The following CDH9 variants were observed in gnomAD, a reference collection of about 807,000 sequenced individuals.
CDH9 encodes the protein cadherin-9.
CDH9 carries 28 observed loss-of-function variants against 70.9 expected under a neutral mutation model. That is an observed-to-expected ratio of 0.40 (90% CI 0.29 to 0.54). The LOEUF (loss-of-function observed/expected upper bound fraction) is 0.54. Among genes scored for constraint, CDH9 ranks in the 20% least tolerant of loss-of-function variants. The probability of loss-of-function intolerance (pLI) is 0.59; values close to 1 mark genes in which losing one functional copy is unlikely to be tolerated. For synonymous variants in CDH9, 409 were observed against 343.1 expected, an observed-to-expected ratio of 1.19 and a Z score of -2.12; for missense variants, 874 against 984.4, an observed-to-expected ratio of 0.89 and a Z score of 1.50.
chr5:26,889,931 G>A lies in CDH9; in HGVS notation c.1417C>T (p.Pro473Ser). 1 of 1,607,582 alleles carries A rather than the reference G, an allele frequency of 6.2e-7. No homozygotes were observed. Among genetic ancestry groups the A allele is most frequent in the Non-Finnish European group, 8.5e-7 (1 of 1,175,692 alleles). The stretch of plus-strand genomic sequence containing the variant: ...ATATCTAGAATTCTGATGAAGACAG[G>A]GATGTGGCTACTTTGTTTTGGGTTA... ...INNPKQSSHI[P>S]VFIRILDIND... The change falls in exon 9 of 12, where the codon CCT becomes TCT. Residue 473 changes from proline to serine, a missense_variant. By Grantham distance (74) the Pro-to-Ser change is moderately conservative. Transcript: ENST00000231021.
chr5:26,924,900 C>A (rs1262659152), intron 2 of CDH9, among the ~76,000 whole-genome samples: 1 of 152,082 alleles, frequency 6.6e-6, no homozygotes, highest in African/African-American at 2.4e-5. Context: ...TTTATGGCTG[C>A]ATAATATTCC....
At chr5:27,008,519 C>A (rs1000254417) in intron 1 of CDH9, among the ~76,000 whole-genome samples, 8 of 151,622 alleles carry the variant, frequency 5.3e-5, no homozygotes, top group Non-Finnish European at 8.8e-5. Flanking sequence ...ATAGCAAGAA[C>A]CTAAGAAATA....
chr5:27,001,799 T>C (rs1316012191), intron 1 of CDH9, among the ~76,000 whole-genome samples: 1 of 150,832 alleles, frequency 6.6e-6, no homozygotes, highest in African/African-American at 2.5e-5. Context: ...AAGCATCTCA[T>C]AGTGTCAGAA....
At chr5:26,998,594 G>T (rs941807619) in intron 1 of CDH9, among the ~76,000 whole-genome samples, 2 of 151,960 alleles carry the variant, frequency 1.3e-5, no homozygotes, top group African/African-American at 4.8e-5. Context: ...GTGGGGAGAC[G>T]GGGGAGGGAT....
At chr5:26,892,896 A>C (rs1401259196) in intron 7 of CDH9, among the ~76,000 whole-genome samples, 1 of 151,786 alleles carries the variant, frequency 6.6e-6, no homozygotes. Context: ...ATGTCCGGCT[A>C]ATTTTTTTTT....
chr5:26,912,798 T>A (rs1010226675), intron 3 of CDH9, among the ~76,000 whole-genome samples: 3 of 152,110 alleles, frequency 2.0e-5, no homozygotes, highest in African/African-American at 7.2e-5. Context: ...CACCCAAATC[T>A]TATCTTGAAT....
chr5:26,892,866 A>G (rs1336330081), intron 7 of CDH9, among the ~76,000 whole-genome samples: 2 of 151,832 alleles, frequency 1.3e-5, no homozygotes, highest in Non-Finnish European at 2.9e-5. Flanking sequence ...GAGTAGCTGG[A>G]ACTACAGGCG....
In CDH9 at chr5:27,026,212, G is replaced by T. The variant is rs553396565; in HGVS notation, c.-50+12251C>A. 3.9e-5 allele frequency among the ~76,000 whole-genome samples: 6 copies of T among 151,980 alleles called. No homozygotes were observed. In the East Asian group the frequency reaches 1.2e-3, roughly 30 times the overall value. On this transcript the variant is annotated intron_variant, in intron 1 of 11. Transcript: ENST00000231021. ...TTAATAAAACACTGAAACAAGAAAT[G>T]GAAAGTGTCCAGTTCACATTCTTAT...
chr5:26,881,400 C>T lies in CDH9; in HGVS notation c.2106G>A (p.Arg702=), dbSNP rs776933344. ...CAATATTTTCCCACAGAGGCACAGT[C>T]CTCCTTATCTGAAAAATAGTTTCAG... is the stretch of plus-strand genomic sequence containing the variant. ...VMPETIFQIR[R]TVPLWENIDV... Residue 702 remains arginine (R), a synonymous_variant, in exon 12 of 12, where the codon AGG becomes AGA. Transcript: ENST00000231021. 9 of 1,613,568 alleles carry T rather than the reference C, an allele frequency of 5.6e-6. No individual in the cohort carries two copies. The highest frequency in any genetic ancestry group is 2.2e-5 in the South Asian group (2 of 91,066).
At chr5:26,904,525 T>G (rs1473246449) in intron 5 of CDH9, among the ~76,000 whole-genome samples, 1 of 152,092 alleles carries the variant, frequency 6.6e-6, no homozygotes, top group East Asian at 1.9e-4. Flanking sequence ...GCTAATTTAT[T>G]TAATCCTCAC....
chr5:26,917,451 C>T (rs62346386), intron 2 of CDH9, among the ~76,000 whole-genome samples: 4,916 of 151,986 alleles, frequency 0.032, 107 homozygotes, highest in Non-Finnish European at 0.047. Context: ...AACTAGCTTA[C>T]CCCTGTTATG....
intron 1 of CDH9, among the ~76,000 whole-genome samples, chr5:26,990,539 A>C (rs1742563470): frequency 6.6e-6 from 1 of 152,186 alleles, no homozygotes; most frequent in African/African-American, 2.4e-5. Context: ...ATAATTGGTA[A>C]ATTTGACCAC....
rs570796153 is a variant in CDH9, at chr5:27,034,858, G to A, written c.-50+3605C>T. Among the ~76,000 whole-genome samples the A allele has an allele frequency of 2.2e-4, 33 of 151,676 alleles. No homozygotes were observed. The South Asian group carries it at 4.2e-3, about 19-fold the overall frequency. On this transcript the variant is annotated intron_variant, in intron 1 of 11. Transcript: ENST00000231021. ...AGGGCTGTTATGGAAATGTAGAAGA[G>A]TGCTATAAAGACATTTTCCTCACTG...
chr5:26,987,218 A>T (rs964452633), intron 2 of CDH9, among the ~76,000 whole-genome samples: 4 of 151,970 alleles, frequency 2.6e-5, no homozygotes, highest in African/African-American at 7.2e-5. Context: ...GACTCAAAAA[A>T]TAAATAAATT....
intron 2 of CDH9, among the ~76,000 whole-genome samples, chr5:26,934,728 T>C (rs1395718028): frequency 6.6e-6 from 1 of 152,138 alleles, no homozygotes; most frequent in East Asian, 1.9e-4. Flanking sequence ...CTAGTCTATA[T>C]AGGCTTACAG....
chr5:26,970,067 A>G (rs1023431586), intron 2 of CDH9, among the ~76,000 whole-genome samples: 2 of 151,242 alleles, frequency 1.3e-5, no homozygotes, highest in African/African-American at 4.8e-5. Flanking sequence ...AGCAAAGTTA[A>G]CAATATAGTT....
At chr5:26,969,952 T>C (rs1742190893) in intron 2 of CDH9, among the ~76,000 whole-genome samples, 1 of 149,830 alleles carries the variant, frequency 6.7e-6, no homozygotes, top group East Asian at 1.9e-4. Flanking sequence ...TATACACACA[T>C]ATATACACCC....
chr5:26,992,623 A>G (rs922943825), intron 1 of CDH9, among the ~76,000 whole-genome samples: 7 of 152,198 alleles, frequency 4.6e-5, no homozygotes, highest in Non-Finnish European at 8.8e-5. Context: ...TACTATAACA[A>G]ATATCTAAAA....
chr5:27,011,683 A>G (rs534643539), intron 1 of CDH9, among the ~76,000 whole-genome samples: 1 of 152,182 alleles, frequency 6.6e-6, no homozygotes, highest in Admixed American at 6.6e-5. Context: ...CTTAACTATC[A>G]CAGATAAAGG....
Sources: gnomAD v4.1 joint callset for allele counts (sites outside exome capture counted in the v4.1 genomes callset) on GRCh38, gnomAD v4.1.1 for gene constraint, MANE v1.5 for transcripts, NCBI Gene and HGNC (gene_info 2026-07-23, HGNC 2026-07-21) for gene names.